The following TRAPPC9 variants were observed in gnomAD, a reference collection of about 807,000 sequenced individuals.
TRAPPC9 encodes IKK2 binding protein.
In TRAPPC9, 83 loss-of-function variants were observed where a neutral mutation model predicts 124.0. The observed-to-expected ratio is 0.67, with a 90% CI of 0.56 to 0.80. TRAPPC9 has a LOEUF of 0.80. TRAPPC9 is among the 30% of genes least tolerant of loss of function. The pLI is 0.00. For missense variants in TRAPPC9, 1,302 were observed against 1,508.3 expected (o/e 0.86, Z 2.27); for synonymous variants, 638 against 617.5 (o/e 1.03, Z -0.49).
chr8:140,327,277 A>C (rs1356238909), intron 9 of TRAPPC9, among the ~76,000 whole-genome samples: 1 of 152,160 alleles, frequency 6.6e-6, no homozygotes, highest in African/African-American at 2.4e-5. Flanking sequence ...CGACAAGACA[A>C]GAATCATCTG....
At chr8:139,886,206 G>A (rs1830004976) in intron 20 of TRAPPC9, among the ~76,000 whole-genome samples, 1 of 152,174 alleles carries the variant, frequency 6.6e-6, no homozygotes, top group African/African-American at 2.4e-5. Flanking sequence ...TTAAACTACT[G>A]TTATGTAAGA....
At chr8:140,290,955 T>C in intron 12 of TRAPPC9, 38 bp downstream of exon 12, 1 of 1,547,552 alleles carries the variant, frequency 6.5e-7, no homozygotes, top group South Asian at 1.1e-5. Context: ...GAAGTTTGTA[T>C]GTTAGCCCAA....
intron 19 of TRAPPC9, among the ~76,000 whole-genome samples, chr8:139,926,602 T>TAAAA (rs1407533502): frequency 9.8e-6 from 1 of 101,852 alleles, no homozygotes; most frequent in Non-Finnish European, 2.0e-5. Flanking sequence ...TACAATGAAT[T>TAAAA]AAAATAAAAA....
chr8:139,865,797 A>T (rs1483794471), intron 21 of TRAPPC9, among the ~76,000 whole-genome samples: 1 of 152,190 alleles, frequency 6.6e-6, no homozygotes, highest in Non-Finnish European at 1.5e-5. Flanking sequence ...CCAAAGAGTC[A>T]AACTCTGTAA....
At chr8:139,753,154 C>A (rs1460130822) in intron 21 of TRAPPC9, among the ~76,000 whole-genome samples, 4 of 148,994 alleles carry the variant, frequency 2.7e-5, no homozygotes, top group Non-Finnish European at 5.9e-5. Context: ...CCACCATCCA[C>A]CCATCCACCA....
At chr8:139,964,868 T>C (rs1478624725) in intron 19 of TRAPPC9, among the ~76,000 whole-genome samples, 1 of 152,158 alleles carries the variant, frequency 6.6e-6, no homozygotes, top group East Asian at 1.9e-4. Flanking sequence ...TACATGCACT[T>C]GAGAAGCTTA....
chr8:140,080,883 T>C (rs1217208588), intron 17 of TRAPPC9, among the ~76,000 whole-genome samples: 8 of 152,156 alleles, frequency 5.3e-5, no homozygotes, highest in Admixed American at 5.2e-4. Context: ...ACCAGAAAGC[T>C]TCTGTTGAAT....
At chr8:140,356,808 C>A (rs2067765580) in intron 9 of TRAPPC9, among the ~76,000 whole-genome samples, 1 of 149,142 alleles carries the variant, frequency 6.7e-6, no homozygotes, top group Non-Finnish European at 1.5e-5. Flanking sequence ...TGGGGTTTCA[C>A]TATGTTGTCC....
intron 21 of TRAPPC9, among the ~76,000 whole-genome samples, chr8:139,759,028 G>C (rs763730616): frequency 5.3e-5 from 8 of 152,334 alleles, no homozygotes; most frequent in African/African-American, 1.7e-4. Context: ...TTTCTGGTCC[G>C]CCTCAGCATG....
At chr8:139,941,053 T>A (rs1833885563) in intron 19 of TRAPPC9, among the ~76,000 whole-genome samples, 1 of 152,210 alleles carries the variant, frequency 6.6e-6, no homozygotes, top group Non-Finnish European at 1.5e-5. Context: ...CATGATTGGT[T>A]CTGTGGCAGG....
rs537488469 is a variant in TRAPPC9 at position 139,857,344 on chromosome 8, G to A, written c.3055+28535C>T. ...AAGGCCTGTCCCATGGAGGCAAGGC[G>A]AGGCATAGCAATATTTCCAGTGTGC... On this transcript the variant is annotated intron_variant, in intron 21 of 22. Coordinates refer to ENST00000438773, the MANE Select transcript of TRAPPC9 (RefSeq NM_001160372.4). Among the ~76,000 whole-genome samples, 3 of 152,212 alleles carry A rather than the reference G, an allele frequency of 2.0e-5. 1 individual carries two copies. The highest frequency in any genetic ancestry group is 4.4e-5 in the Non-Finnish European group (3 of 68,044).
At chr8:139,826,033 T>A (rs1586928631) in intron 21 of TRAPPC9, among the ~76,000 whole-genome samples, 1 of 152,134 alleles carries the variant, frequency 6.6e-6, no homozygotes. Context: ...CCATTCTGCC[T>A]GGTGGGCAAG....
At chr8:140,363,461 A>T (rs751453203) in intron 8 of TRAPPC9, among the ~76,000 whole-genome samples, 5 of 152,202 alleles carry the variant, frequency 3.3e-5, no homozygotes, top group Non-Finnish European at 7.3e-5. Context: ...GCCACAGTGG[A>T]GATGGGGTTT....
intron 9 of TRAPPC9, among the ~76,000 whole-genome samples, chr8:140,329,721 T>G (rs565859082): frequency 6.6e-5 from 10 of 152,300 alleles, no homozygotes; most frequent in African/African-American, 2.4e-4. Flanking sequence ...TTTCGGAATC[T>G]AAGGCTTGGA....
chr8:140,287,403 A>T (rs1213048361), intron 13 of TRAPPC9, among the ~76,000 whole-genome samples: 2 of 152,162 alleles, frequency 1.3e-5, no homozygotes, highest in African/African-American at 4.8e-5. Flanking sequence ...CAGTGGGGTC[A>T]GAGCACAGGA....
intron 7 of TRAPPC9, among the ~76,000 whole-genome samples, chr8:140,376,836 C>T (rs556317002): frequency 8.1e-5 from 12 of 148,278 alleles, no homozygotes; most frequent in South Asian, 6.5e-4. Flanking sequence ...GAGATCGCGC[C>T]ACTGCACTTC....
chr8:140,029,488 G>A (rs1365276979), intron 17 of TRAPPC9, among the ~76,000 whole-genome samples: 1 of 152,160 alleles, frequency 6.6e-6, no homozygotes, highest in African/African-American at 2.4e-5. Flanking sequence ...CTGGGCGACA[G>A]AGCAAGACTC....
chr8:139,918,312 T>C (rs577415746), intron 19 of TRAPPC9, among the ~76,000 whole-genome samples: 1 of 152,348 alleles, frequency 6.6e-6, no homozygotes, highest in African/African-American at 2.4e-5. Flanking sequence ...CTCTGAGCAC[T>C]CTGCTTCCTC....
chr8:140,201,628 T>C (rs879540526), intron 17 of TRAPPC9, among the ~76,000 whole-genome samples: 14 of 152,240 alleles, frequency 9.2e-5, no homozygotes, highest in Non-Finnish European at 1.6e-4. Context: ...TTGTCATTCA[T>C]ATGTTTTGTC....
Sources: allele counts gnomAD v4.1 joint callset (sites outside exome capture counted in the v4.1 genomes callset), GRCh38; gene constraint gnomAD v4.1.1; transcripts MANE v1.5; gene names NCBI Gene and HGNC (gene_info 2026-07-23, HGNC 2026-07-21).